Variants in CENPQ observed in about 807,000 individuals in gnomAD.
CENPQ encodes centromere protein Q, also known as chromosome 6 open reading frame 139.
A neutral mutation model predicts 36.6 loss-of-function variants in CENPQ; 27 were observed. The observed-to-expected ratio is 0.74, with a 90% CI of 0.54 to 1.02. The LOEUF is 1.02. Among genes scored for constraint, CENPQ ranks in the 50% least tolerant of loss-of-function variants. The pLI is 0.00. For synonymous variants in CENPQ, 101 were observed against 101.7 expected (o/e 0.99, Z 0.04); for missense variants, 306 against 301.8 (o/e 1.01, Z -0.10).
chr6:49,481,702 C>T (rs1033615743), intron 6 of CENPQ, among the ~76,000 whole-genome samples: 2 of 152,126 alleles, frequency 1.3e-5, no homozygotes, highest in African/African-American at 4.8e-5. Flanking sequence ...ATTTACAATC[C>T]CTGAGCTAGA....
chr6:49,486,157 A>G (rs1011662153), intron 6 of CENPQ, among the ~76,000 whole-genome samples: 3 of 152,224 alleles, frequency 2.0e-5, no homozygotes, highest in Non-Finnish European at 2.9e-5. Context: ...AAGCAAAGGC[A>G]GAAACTAGAG....
At chr6:49,481,808 T>C (rs7740858) in intron 6 of CENPQ, among the ~76,000 whole-genome samples, 75 of 151,308 alleles carry the variant, frequency 5.0e-4, no homozygotes, top group African/African-American at 1.7e-3. Flanking sequence ...TGCCTGCCAG[T>C]CCCACACCGT....
At chr6:49,482,336 G>T (rs1335194801) in intron 6 of CENPQ, among the ~76,000 whole-genome samples, 1 of 152,186 alleles carries the variant, frequency 6.6e-6, no homozygotes, top group African/African-American at 2.4e-5. Context: ...CAGAGGAGGC[G>T]CCGAGAGTGA....
rs79125444 is a variant in CENPQ, at chr6:49,465,181, C to T, written c.-19+1728C>T. Among the ~76,000 whole-genome samples, 1,409 of 152,274 alleles carry T rather than the reference C, an allele frequency of 9.3e-3. 24 individuals are homozygous for T. The highest frequency in any genetic ancestry group is 0.032 in the African/African-American group (1,323 of 41,550). On this transcript the variant is annotated intron_variant, in intron 1 of 8. Coordinates refer to ENST00000335783, the MANE Select transcript of CENPQ (RefSeq NM_018132.4). ...ATCAGAGCTCTTGGGTGACCAAGTA[C>T]GTGGTCATTGAGCAGTATTATTTTG...
Position 49,477,323 on chromosome 6 carries a change from A to G in CENPQ, c.348-3628A>G, listed in dbSNP as rs1051390992. On this transcript the variant is annotated intron_variant, in intron 5 of 8. Coordinates refer to ENST00000335783, the MANE Select transcript of CENPQ (RefSeq NM_018132.4). ...TTCTCAGCAAACTATCACAAGGATG[A>G]AAAACCAAACACCGCATATTCTCAC... 6.1e-4 allele frequency among the ~76,000 whole-genome samples: 93 copies of G among 151,672 alleles called. 1 individual carries two copies. The highest frequency in any genetic ancestry group is 1.9e-3 in the African/African-American group (80 of 41,354).
At chr6:49,464,142 C>T (rs927388883) in intron 1 of CENPQ, among the ~76,000 whole-genome samples, 15 of 151,968 alleles carry the variant, frequency 9.9e-5, no homozygotes, top group African/African-American at 4.8e-5. Context: ...AACATACTTC[C>T]GAGATATTGC....
At chr6:49,465,182 G>T (rs986467087) in intron 1 of CENPQ, among the ~76,000 whole-genome samples, 1 of 152,204 alleles carries the variant, frequency 6.6e-6, no homozygotes, top group African/African-American at 2.4e-5. Context: ...GACCAAGTAC[G>T]TGGTCATTGA....
chr6:49,477,566 TA>T (rs991546144), intron 5 of CENPQ, among the ~76,000 whole-genome samples: 2,696 of 132,180 alleles, frequency 0.02, 69 homozygotes, highest in African/African-American at 0.064. Context: ...TAAAGTATAA[TA>T]AAAAAAAAAA....
intron 6 of CENPQ, among the ~76,000 whole-genome samples, chr6:49,483,480 C>T (rs890140563): frequency 2.0e-5 from 3 of 152,114 alleles, no homozygotes; most frequent in Non-Finnish European, 2.9e-5. Flanking sequence ...GGGCGGCGCT[C>T]ATGGGGGAGG....
intron 6 of CENPQ, among the ~76,000 whole-genome samples, chr6:49,485,830 T>C (rs1036578020): frequency 5.3e-4 from 80 of 151,874 alleles, no homozygotes; most frequent in African/African-American, 1.8e-3. Context: ...GAAGATACCA[T>C]ATGAGTATGG....
intron 5 of CENPQ, among the ~76,000 whole-genome samples, chr6:49,480,226 T>C (rs1370894871): frequency 3.3e-5 from 5 of 152,198 alleles, no homozygotes; most frequent in Non-Finnish European, 5.9e-5. Context: ...ACTGCTGTTA[T>C]AAAGGGAATC....
intron 6 of CENPQ, among the ~76,000 whole-genome samples, chr6:49,488,132 G>C (rs1768632920): frequency 6.6e-6 from 1 of 152,086 alleles, no homozygotes. Context: ...CCTTATTCCA[G>C]GGAAATTAGA....
intron 5 of CENPQ, among the ~76,000 whole-genome samples, chr6:49,473,386 GTA>G (rs2127424544): frequency 6.6e-6 from 1 of 152,192 alleles, no homozygotes; most frequent in African/African-American, 2.4e-5. Flanking sequence ...CTTTTCTCTA[GTA>G]TTTACACAAC....
intron 6 of CENPQ, among the ~76,000 whole-genome samples, chr6:49,481,861 C>T (rs535775293): frequency 5.9e-5 from 9 of 152,196 alleles, no homozygotes; most frequent in South Asian, 2.1e-4. Context: ...TGGGACTGGG[C>T]GCCATGGAGC....
At chr6:49,476,738 C>T (rs911401155) in intron 5 of CENPQ, among the ~76,000 whole-genome samples, 2 of 151,696 alleles carry the variant, frequency 1.3e-5, no homozygotes, top group African/African-American at 4.8e-5. Flanking sequence ...AAAAAAACAA[C>T]CCTATCACAA....
intron 6 of CENPQ, 137 bp from the exon 7 acceptor site, chr6:49,488,215 A>G: frequency 1.6e-6 from 1 of 608,600 alleles, no homozygotes. Context: ...AAACAAAAGT[A>G]AATTCACCAG....
At chr6:49,470,519 G>T (rs1386695195) in intron 2 of CENPQ, among the ~76,000 whole-genome samples, 1 of 151,158 alleles carries the variant, frequency 6.6e-6, no homozygotes, top group African/African-American at 2.4e-5. Context: ...CTCGGGAGGA[G>T]GTTGAAGCAG....
chr6:49,468,065 T>C (rs181822879), intron 1 of CENPQ, among the ~76,000 whole-genome samples: 1 of 152,132 alleles, frequency 6.6e-6, no homozygotes, highest in Non-Finnish European at 1.5e-5. Context: ...ACAGAACGTA[T>C]TGGGGTAAAT....
At chr6:49,479,756 A>G (rs114807003) in intron 5 of CENPQ, among the ~76,000 whole-genome samples, 199 of 152,322 alleles carry the variant, frequency 1.3e-3, no homozygotes, top group African/African-American at 4.7e-3. Flanking sequence ...GATAAAGAAA[A>G]TGTAGTACAT....
Sources: gnomAD v4.1 joint callset for allele counts (sites outside exome capture counted in the v4.1 genomes callset) on GRCh38, gnomAD v4.1.1 for gene constraint, MANE v1.5 for transcripts, NCBI Gene and HGNC (gene_info 2026-07-23, HGNC 2026-07-21) for gene names.